The following MEGF10 variants were observed in gnomAD, a reference collection of about 807,000 sequenced individuals.
The protein encoded by MEGF10 is multiple epidermal growth factor-like domains protein 10.
MEGF10 carries 86 observed loss-of-function variants against 147.5 expected under a neutral mutation model. That is an observed-to-expected ratio of 0.58 (90% confidence interval 0.49 to 0.70). The LOEUF is 0.70. Among genes scored for constraint, MEGF10 ranks in the 30% least tolerant of loss-of-function variants. The pLI is 0.00. For synonymous variants in MEGF10, 478 were observed against 525.5 expected (o/e 0.91, Z 1.24); for missense variants, 1,329 against 1,487.3 (o/e 0.89, Z 1.75).
At chr5:127,428,799 G>A (rs768670839) in intron 13 of MEGF10, among the ~76,000 whole-genome samples, 2 of 152,168 alleles carry the variant, frequency 1.3e-5, no homozygotes, top group African/African-American at 2.4e-5. Flanking sequence ...TCTATGAGAG[G>A]GGAAAGAATG....
chr5:127,427,703 A>G (rs1339738343), intron 13 of MEGF10, among the ~76,000 whole-genome samples: 1 of 152,166 alleles, frequency 6.6e-6, no homozygotes, highest in African/African-American at 2.4e-5. Flanking sequence ...TTCAGGGACT[A>G]ATCTGTCGTG....
chr5:127,354,384 A>C (rs1370423083), intron 4 of MEGF10, among the ~76,000 whole-genome samples: 3 of 152,186 alleles, frequency 2.0e-5, no homozygotes, highest in Non-Finnish European at 4.4e-5. Context: ...TTCTTTTTAA[A>C]ATTGGAATAT....
intron 9 of MEGF10, among the ~76,000 whole-genome samples, chr5:127,412,671 G>A (rs912632183): frequency 7.9e-5 from 12 of 151,980 alleles, no homozygotes; most frequent in African/African-American, 2.9e-4. Context: ...GGTAGCTTTT[G>A]CAGCATTAAA....
intron 1 of MEGF10, among the ~76,000 whole-genome samples, chr5:127,313,201 A>G (rs1012768832): frequency 6.6e-6 from 1 of 152,166 alleles, no homozygotes; most frequent in African/African-American, 2.4e-5. Context: ...ACACGGCTCT[A>G]TGGGATCGTG....
intron 1 of MEGF10, among the ~76,000 whole-genome samples, chr5:127,295,076 C>T (rs1759438145): frequency 6.6e-6 from 1 of 152,092 alleles, no homozygotes; most frequent in South Asian, 2.1e-4. Context: ...TTATAAAACA[C>T]TTCTGCTTCT....
At chr5:127,344,584 A>G (rs549564224) in intron 4 of MEGF10, among the ~76,000 whole-genome samples, 2 of 152,274 alleles carry the variant, frequency 1.3e-5, no homozygotes, top group East Asian at 3.9e-4. Flanking sequence ...TTGTCAAGAA[A>G]TTCTCAGCTG....
chr5:127,248,310 G>A, the MEGF10 span, among the ~76,000 whole-genome samples: 14 of 152,152 alleles, frequency 9.2e-5, no homozygotes, highest in East Asian at 7.7e-4. Context: ...TAGATCATTT[G>A]CAACATTTTA....
intron 1 of MEGF10, among the ~76,000 whole-genome samples, chr5:127,325,910 T>TATATATATATATA (rs1491263807): frequency 5.7e-5 from 1 of 17,642 alleles, no homozygotes; most frequent in Non-Finnish European, 1.3e-4. Flanking sequence ...TATATATATA[T>TATATATATATATA]TTTTTTTTTT....
At chr5:127,407,572 A>G (rs1438004991) in intron 8 of MEGF10, among the ~76,000 whole-genome samples, 2 of 152,196 alleles carry the variant, frequency 1.3e-5, no homozygotes. Context: ...AAATTTCCAT[A>G]TGTCTACTGT....
intron 1 of MEGF10, among the ~76,000 whole-genome samples, chr5:127,316,154 C>T (rs974504627): frequency 1.3e-5 from 2 of 152,198 alleles, no homozygotes; most frequent in African/African-American, 4.8e-5. Context: ...TGCTCTGCCT[C>T]CTTATCTTGC....
At chr5:127,381,833 G>C (rs1561607907) in intron 5 of MEGF10, among the ~76,000 whole-genome samples, 1 of 152,142 alleles carries the variant, frequency 6.6e-6, no homozygotes, top group Non-Finnish European at 1.5e-5. Context: ...ACCATGCTCA[G>C]CTAATTTTTG....
Position 127,434,881 on chromosome 5 carries a change from C to T in MEGF10, c.1975+60C>T, listed in dbSNP as rs139297404. 6.5e-4 allele frequency: 1,009 copies of T among 1,555,668 alleles called. 4 individuals carry two copies. In the African/African-American group the frequency reaches 0.012, roughly 19 times the overall value. On this transcript the variant is annotated intron_variant, in intron 15 of 24. Coordinates refer to ENST00000503335, the MANE Select transcript of MEGF10 (RefSeq NM_001256545.2). ...GATGAGCACGCCCCGGAGAGTCTGT[C>T]CTCAGGCCTCCCCTTGGCCTTCCTG...
chr5:127,320,427 G>A (rs1248884070), intron 1 of MEGF10, among the ~76,000 whole-genome samples: 1 of 152,144 alleles, frequency 6.6e-6, no homozygotes, highest in Non-Finnish European at 1.5e-5. Context: ...CAACCATTAG[G>A]GTCAGACAGG....
At chr5:127,284,747 T>C in the MEGF10 span, among the ~76,000 whole-genome samples, 2 of 152,190 alleles carry the variant, frequency 1.3e-5, no homozygotes, top group African/African-American at 4.8e-5. Context: ...CCACTTCTAT[T>C]TTTTTAAGTG....
intron 5 of MEGF10, among the ~76,000 whole-genome samples, chr5:127,383,373 TG>T (rs1420624329): frequency 6.6e-6 from 1 of 151,998 alleles, no homozygotes; most frequent in African/African-American, 2.4e-5. Flanking sequence ...CAGGCTGAGG[TG>T]GGGGTATTAC....
intron 22 of MEGF10, among the ~76,000 whole-genome samples, chr5:127,451,924 G>A (rs1580888796): frequency 6.6e-6 from 1 of 152,220 alleles, no homozygotes; most frequent in Non-Finnish European, 1.5e-5. Flanking sequence ...ATCTGAAAGA[G>A]CCTTGAACTA....
chr5:127,329,322 A>G (rs1761160375), intron 1 of MEGF10, among the ~76,000 whole-genome samples: 1 of 152,180 alleles, frequency 6.6e-6, no homozygotes, highest in African/African-American at 2.4e-5. Context: ...GGCTTACACA[A>G]TATCTTTTAA....
intron 13 of MEGF10, chr5:127,424,202 C>T (rs1765128626): frequency 1.7e-6 from 1 of 592,184 alleles, no homozygotes; most frequent in Non-Finnish European, 3.0e-6. Flanking sequence ...GGATTTATTT[C>T]TGGACTCCGT....
the MEGF10 span, among the ~76,000 whole-genome samples, chr5:127,282,621 C>T: frequency 2.6e-5 from 4 of 152,194 alleles, no homozygotes; most frequent in African/African-American, 9.7e-5. Flanking sequence ...GCCATTACTT[C>T]TAATTACTTT....
Sources: allele counts gnomAD v4.1 joint callset (sites outside exome capture counted in the v4.1 genomes callset), GRCh38; gene constraint gnomAD v4.1.1; transcripts MANE v1.5; gene names NCBI Gene and HGNC (gene_info 2026-07-23, HGNC 2026-07-21).